The following SLC2A10 variants were observed in gnomAD, a reference collection of about 807,000 sequenced individuals.
The protein encoded by SLC2A10 is solute carrier family 2 member 10.
In SLC2A10, 25 loss-of-function variants were observed where a neutral mutation model predicts 32.1. The observed-to-expected ratio is 0.78, with a 90% CI of 0.57 to 1.09. The LOEUF (loss-of-function observed/expected upper bound fraction) is 1.09. SLC2A10 is among the 50% of genes least tolerant of loss of function. SLC2A10 has a pLI of 0.00. For synonymous variants in SLC2A10, 332 were observed against 309.6 expected, an observed-to-expected ratio of 1.07 and a Z score of -0.76; for missense variants, 673 against 686.5, an observed-to-expected ratio of 0.98 and a Z score of 0.22.
intron 1 of SLC2A10, among the ~76,000 whole-genome samples, chr20:46,720,668 C>A (rs944008914): frequency 1.3e-5 from 2 of 152,084 alleles, no homozygotes; most frequent in Non-Finnish European, 2.9e-5. Context: ...ACAAACTGAC[C>A]CTTGTGCTCG....
At chr20:46,727,008 C>A (rs562333845) in intron 3 of SLC2A10, 22 bp downstream of exon 3, 2 of 1,614,172 alleles carry the variant, frequency 1.2e-6, no homozygotes, top group African/African-American at 1.3e-5. Flanking sequence ...CCAGACAAGT[C>A]CGTTTTTTTT....
At chr20:46,713,686 A>G (rs1289324242) in intron 1 of SLC2A10, among the ~76,000 whole-genome samples, 2 of 152,150 alleles carry the variant, frequency 1.3e-5, no homozygotes, top group Admixed American at 6.5e-5. Flanking sequence ...GCTGTGTAGA[A>G]TTAGTTTAGG....
rs148274118 is a variant in SLC2A10 at position 46,718,880 on chromosome 20, A to G, written c.5-6161A>G. Among the ~76,000 whole-genome samples the G allele has an allele frequency of 4.5e-3, 691 of 152,208 alleles. 6 individuals carry two copies. The highest frequency in any genetic ancestry group is 0.016 in the African/African-American group (653 of 41,540). Reference sequence around the variant, plus strand: ...AGCCTCGACCTCCTGGGCTCAAGCAATCCTTCTGCCTCAGCCTCCTGATTA... The same window carrying G: ...AGCCTCGACCTCCTGGGCTCAAGCAGTCCTTCTGCCTCAGCCTCCTGATTA... On this transcript the variant is annotated intron_variant, in intron 1 of 4. Transcript: ENST00000359271.
intron 3 of SLC2A10, among the ~76,000 whole-genome samples, chr20:46,729,108 T>A (rs2123061339): frequency 6.6e-6 from 1 of 152,350 alleles, no homozygotes; most frequent in African/African-American, 2.4e-5. Flanking sequence ...TAAACACAAG[T>A]TGCCTTTGTC....
rs68037732 is a variant in SLC2A10 at position 46,729,625 on chromosome 20, GTTTTTTTTTTTTTTTTTTT to G, written c.1547+153_1547+171del. ...CTTCCTTATTGCCTGGGCACTATGA[GTTTTTTTTTTTTTTTTTTT>G]TTTTTTTTTTTTTTTGAGATGGAGT... On this transcript the variant is annotated intron_variant, in intron 4 of 4. Coordinates refer to ENST00000359271, the MANE Select transcript of SLC2A10 (RefSeq NM_030777.4). 691 of 316,940 alleles carry G rather than the reference GTTTTTTTTTTTTTTTTTTT, an allele frequency of 2.2e-3. 2 individuals are homozygous for G. The highest frequency in any genetic ancestry group is 5.7e-3 in the East Asian group (84 of 14,816). The allele number at this position is 316,940 out of a possible 1,614,324, so 19.6% of individuals were successfully genotyped here. A position where few individuals can be genotyped will look rare whatever the true frequency, so the allele number is the denominator to read the frequency against.
At chr20:46,708,909 G>A (rs569425522), upstream of SLC2A10, among the ~76,000 whole-genome samples, 1 of 152,294 alleles carries the variant, frequency 6.6e-6, no homozygotes, top group East Asian at 1.9e-4. Context: ...GGGGAATGCC[G>A]GATCTCTGCT....
rs201393026 is a variant in SLC2A10 at position 46,726,945 on chromosome 20, C to T, written c.1370C>T (p.Ala457Val). 531 of 1,614,082 alleles carry T rather than the reference C, an allele frequency of 3.3e-4. No individual in the cohort carries two copies. Among genetic ancestry groups the T allele is most frequent in the Non-Finnish European group, 4.1e-4 (488 of 1,180,042 alleles). The change falls in exon 3 of 5, where the codon GCG (alanine) becomes GTG (valine). Residue 457 changes from alanine (A) to valine (V), a missense_variant. Coordinates refer to ENST00000359271, the MANE Select transcript of SLC2A10 (RefSeq NM_030777.4). ...AFAFCNSFNW[A>V]ANLFISLSFL... ...GCCTTCTGCAACAGCTTCAACTGGGCGGCCAACCTCTTCATCAGCCTCTCC... is the reference window on the plus strand; with the variant it reads ...GCCTTCTGCAACAGCTTCAACTGGGTGGCCAACCTCTTCATCAGCCTCTCC...
chr20:46,709,856 C>T, intron 1 of SLC2A10, 116 bp downstream of exon 1: 1 of 1,273,302 alleles, frequency 7.9e-7, no homozygotes, highest in Non-Finnish European at 1.1e-6. Context: ...GCCGCCCCGG[C>T]CGGATACCGC....
chr20:46,731,213 C>T (rs940109720), intron 4 of SLC2A10, among the ~76,000 whole-genome samples: 17 of 152,188 alleles, frequency 1.1e-4, no homozygotes, highest in Non-Finnish European at 2.2e-4. Context: ...TGCTCTGCCA[C>T]CTCTTCCATA....
At chr20:46,711,736 T>C (rs1194665320) in intron 1 of SLC2A10, among the ~76,000 whole-genome samples, 1 of 152,154 alleles carries the variant, frequency 6.6e-6, no homozygotes, top group African/African-American at 2.4e-5. Flanking sequence ...CTTTATAGCC[T>C]CTGGGGGCAG....
chr20:46,720,655 C>A (rs908569301), intron 1 of SLC2A10, among the ~76,000 whole-genome samples: 1 of 152,142 alleles, frequency 6.6e-6, no homozygotes, highest in Non-Finnish European at 1.5e-5. Flanking sequence ...TTTCCTGATT[C>A]CCACAAACTG....
chr20:46,728,488 G>A (rs1980095730), intron 3 of SLC2A10, among the ~76,000 whole-genome samples: 1 of 152,124 alleles, frequency 6.6e-6, no homozygotes, highest in African/African-American at 2.4e-5. Flanking sequence ...CTGACTCTGG[G>A]ACTGAACTGT....
Position 46,714,816 on chromosome 20 carries a change from T to C in SLC2A10, c.4+5076T>C, listed in dbSNP as rs541006607. ...TGTTCTTCCTCGTCTTCCTAATGGC[T>C]CCAACTCCTTTGAGGTCCTCCTTTA... On this transcript the variant is annotated intron_variant, in intron 1 of 4. Coordinates refer to ENST00000359271, the MANE Select transcript of SLC2A10 (RefSeq NM_030777.4). 1.1e-4 allele frequency among the ~76,000 whole-genome samples: 16 copies of C among 152,260 alleles called. No homozygotes were observed. In the East Asian group the frequency reaches 2.9e-3, roughly 28 times the overall value.
rs8122241 is a variant in SLC2A10 at position 46,716,988 on chromosome 20, G to A, written c.4+7248G>A. Among the ~76,000 whole-genome samples, 1,210 of 152,108 alleles carry A rather than the reference G, an allele frequency of 8.0e-3. 18 individuals are homozygous for A. The highest frequency in any genetic ancestry group is 0.027 in the African/African-American group (1,140 of 41,492). ...CAGTGAGCCGGAATTACGCCACTGC[G>A]CTCCAGCCTGGGAAACAGAGTAAGA... On this transcript the variant is annotated intron_variant, in intron 1 of 4. Transcript: ENST00000359271.
At chr20:46,711,215 A>G (rs1978893356) in intron 1 of SLC2A10, among the ~76,000 whole-genome samples, 1 of 152,190 alleles carries the variant, frequency 6.6e-6, no homozygotes, top group South Asian at 2.1e-4. Flanking sequence ...CACAGTCGCT[A>G]ACACTGGCTA....
Position 46,735,128 on chromosome 20 carries a change from G to T in SLC2A10, c.*1294G>T, listed in dbSNP as rs904038367. 2 of 152,634 alleles carry T rather than the reference G, an allele frequency of 1.3e-5. No individual in the cohort carries two copies. Among genetic ancestry groups the T allele is most frequent in the Non-Finnish European group, 2.9e-5 (2 of 68,056 alleles). The allele number at this position is 152,634 out of a possible 1,614,324, so 9.5% of individuals were successfully genotyped here. On this transcript the variant is annotated 3_prime_UTR_variant, in exon 5 of 5. Coordinates refer to ENST00000359271, the MANE Select transcript of SLC2A10 (RefSeq NM_030777.4). ...GGGGACTGAGCAAGTAGCTATGACT[G>T]CAGATCATGTAAGGAAGGGACTGAC...
chr20:46,734,199 C>A lies in SLC2A10; in HGVS notation c.*365C>A. On this transcript the variant is annotated 3_prime_UTR_variant, in exon 5 of 5. Coordinates refer to ENST00000359271, the MANE Select transcript of SLC2A10 (RefSeq NM_030777.4). ...GCAGGAAGTCTCTCCCGATATCACC[C>A]CTAAATCCAAATGAGGATATCATCT... The A allele has an allele frequency of 3.0e-6, 1 of 334,306 alleles. No homozygotes were observed. Among genetic ancestry groups the A allele is most frequent in the Non-Finnish European group, 5.7e-6 (1 of 176,494 alleles). 20.7% of individuals were successfully genotyped at this position (334,306 alleles called of 1,614,324 possible).
chr20:46,726,347 T>C, intron 2 of SLC2A10, 23 bp downstream of exon 2: 1 of 1,602,276 alleles, frequency 6.2e-7, no homozygotes, highest in South Asian at 1.1e-5. Flanking sequence ...TTCTTGCAGG[T>C]GACTCTGGAG....
Position 46,726,272 on chromosome 20 carries a change from A to G in SLC2A10, c.1236A>G (p.Ala412=), listed in dbSNP as rs1389923275. ...ARGHALLRWT[A]LLCLMVFVSA... is the part of the protein sequence containing the mutation. ...GGCATGCACTGCTGCGCTGGACCGC[A>G]CTGCTGTGCCTGATGGTCTTTGTCA... is the stretch of plus-strand genomic sequence containing the variant. Residue 412 remains alanine (A), a synonymous_variant, in exon 2 of 5, where the codon GCA becomes GCG. Coordinates refer to ENST00000359271, the MANE Select transcript of SLC2A10 (RefSeq NM_030777.4). 6.2e-7 allele frequency: 1 copy of G among 1,612,988 alleles called. No homozygotes were observed. Among genetic ancestry groups the G allele is most frequent in the Non-Finnish European group, 8.5e-7 (1 of 1,180,036 alleles).
Sources: allele counts gnomAD v4.1 joint callset (sites outside exome capture counted in the v4.1 genomes callset), GRCh38; gene constraint gnomAD v4.1.1; transcripts MANE v1.5; gene names NCBI Gene and HGNC (gene_info 2026-07-23, HGNC 2026-07-21).